Variants in MACROD2 observed in about 807,000 individuals in gnomAD.
MACROD2 encodes ADP-ribose glycohydrolase MACROD2.
In MACROD2, 36 loss-of-function variants were observed where a neutral mutation model predicts 70.4. The observed-to-expected ratio is 0.51, with a 90% CI of 0.39 to 0.68. The LOEUF is 0.68. MACROD2 is among the 30% of genes least tolerant of loss of function. The probability of loss-of-function intolerance (pLI) is 0.00; values close to 1 mark genes in which losing one functional copy is unlikely to be tolerated. For synonymous variants in MACROD2, 172 were observed against 178.8 expected (o/e 0.96, Z 0.30); for missense variants, 496 against 538.4 (o/e 0.92, Z 0.78).
At chr20:15,225,550 G>A (rs1449176641) in intron 5 of MACROD2, among the ~76,000 whole-genome samples, 4 of 152,080 alleles carry the variant, frequency 2.6e-5, no homozygotes, top group Non-Finnish European at 2.9e-5. Flanking sequence ...GATGTTTTAT[G>A]CATGTAGCTA....
At chr20:14,955,241 A>T (rs2074524182) in intron 5 of MACROD2, among the ~76,000 whole-genome samples, 1 of 138,252 alleles carries the variant, frequency 7.2e-6, no homozygotes. Context: ...AATTTTTATT[A>T]TATATAATTT....
rs1160707251 is a variant in MACROD2 at position 15,133,947 on chromosome 20, G to A, written c.419-95993G>A. 5.2e-5 allele frequency among the ~76,000 whole-genome samples: 7 copies of A among 135,564 alleles called. No homozygotes were observed. The South Asian group carries it at 9.3e-4, about 18-fold the overall frequency. 88.9% of individuals were successfully genotyped at this position (135,564 alleles called of 152,430 possible). A position where few individuals can be genotyped will look rare whatever the true frequency, so the allele number is the denominator to read the frequency against. On this transcript the variant is annotated intron_variant, in intron 5 of 17. Coordinates refer to ENST00000684519, the MANE Select transcript of MACROD2 (RefSeq NM_001351661.2). ...TTTTTTGAGACAGAGTCTCGCTGTC[G>A]CAGAGGCTGGAGTGCAGTGGTGCCA...
At chr20:14,380,317 C>T (rs924181537) in intron 3 of MACROD2, among the ~76,000 whole-genome samples, 2 of 152,044 alleles carry the variant, frequency 1.3e-5, no homozygotes, top group African/African-American at 2.4e-5. Context: ...ATATTTAACA[C>T]TCATGTGATA....
At chr20:15,773,015 A>T (rs1026231861) in intron 8 of MACROD2, among the ~76,000 whole-genome samples, 1 of 152,108 alleles carries the variant, frequency 6.6e-6, no homozygotes, top group Non-Finnish European at 1.5e-5. Flanking sequence ...GAGACAGACC[A>T]TATCAGTGGT....
chr20:15,712,926 T>C (rs1020629997), intron 8 of MACROD2, among the ~76,000 whole-genome samples: 3 of 152,250 alleles, frequency 2.0e-5, no homozygotes, highest in African/African-American at 4.8e-5. Context: ...CTGCATCTCA[T>C]ATGCAGTGCA....
chr20:15,329,621 G>T (rs888979400), intron 6 of MACROD2, among the ~76,000 whole-genome samples: 1 of 151,982 alleles, frequency 6.6e-6, no homozygotes, highest in Non-Finnish European at 1.5e-5. Context: ...ATCAAAAAAT[G>T]AAAATACAAT....
intron 6 of MACROD2, among the ~76,000 whole-genome samples, chr20:15,298,903 A>G (rs1159916466): frequency 6.6e-6 from 1 of 152,184 alleles, no homozygotes; most frequent in African/African-American, 2.4e-5. Context: ...GCAGAGGCCC[A>G]GAAGACTAGG....
intron 8 of MACROD2, among the ~76,000 whole-genome samples, chr20:15,807,868 G>C (rs919912820): frequency 1.6e-4 from 24 of 152,044 alleles, no homozygotes; most frequent in African/African-American, 5.8e-4. Context: ...TGCCTCCAAA[G>C]AAAGAAGAAG....
In MACROD2 at chr20:14,841,527, GA is replaced by G. The variant is rs11481126; in HGVS notation, c.418+156578del. On this transcript the variant is annotated intron_variant, in intron 5 of 17. Transcript: ENST00000684519. ...TTACCTTTCAAGTAGATGTTTTCAG[GA>G]AAAAAAAAAGAATATAGAAAGGCAG... 1.4e-3 allele frequency among the ~76,000 whole-genome samples: 211 copies of G among 149,302 alleles called. 1 individual carries two copies. Among genetic ancestry groups the G allele is most frequent in the African/African-American group, 4.6e-3 (188 of 40,730 alleles).
intron 3 of MACROD2, among the ~76,000 whole-genome samples, chr20:14,461,274 C>T (rs2084367954): frequency 6.6e-6 from 1 of 151,656 alleles, no homozygotes; most frequent in African/African-American, 2.4e-5. Flanking sequence ...TGGTGATCGC[C>T]CCTTTATCAT....
chr20:14,758,096 CA>C, intron 5 of MACROD2: 2 of 346,974 alleles, frequency 5.8e-6, no homozygotes, highest in Non-Finnish European at 1.0e-5. Flanking sequence ...AACATCCAGC[CA>C]AAAAAGCTTA....
intron 3 of MACROD2, among the ~76,000 whole-genome samples, chr20:14,312,993 T>C (rs1323212765): frequency 6.6e-6 from 1 of 152,256 alleles, no homozygotes; most frequent in Non-Finnish European, 1.5e-5. Context: ...TGTAAGCTAA[T>C]TATATAACAC....
At chr20:14,986,646 T>TA (rs906574035) in intron 5 of MACROD2, among the ~76,000 whole-genome samples, 1 of 152,128 alleles carries the variant, frequency 6.6e-6, no homozygotes, top group Non-Finnish European at 1.5e-5. Context: ...AAAAAGACGT[T>TA]AAAAAATCTT....
intron 5 of MACROD2, among the ~76,000 whole-genome samples, chr20:14,806,372 G>A (rs1380157954): frequency 6.6e-6 from 1 of 152,080 alleles, no homozygotes; most frequent in South Asian, 2.1e-4. Context: ...CTCTCCTCTA[G>A]CCAAGGGAAG....
At chr20:14,237,890 C>T (rs919041580) in intron 3 of MACROD2, among the ~76,000 whole-genome samples, 1 of 152,006 alleles carries the variant, frequency 6.6e-6, no homozygotes, top group African/African-American at 2.4e-5. Flanking sequence ...TTTTTTATGG[C>T]TGCATAGTAT....
chr20:14,512,051 G>GAAGA (rs2085036817), intron 4 of MACROD2, among the ~76,000 whole-genome samples: 1 of 152,080 alleles, frequency 6.6e-6, no homozygotes, highest in Non-Finnish European at 1.5e-5. Context: ...GATTCCTTGG[G>GAAGA]CTGTCAAGAG....
At chr20:14,255,268 A>G (rs1452001948) in intron 3 of MACROD2, among the ~76,000 whole-genome samples, 1 of 152,194 alleles carries the variant, frequency 6.6e-6, no homozygotes, top group Non-Finnish European at 1.5e-5. Flanking sequence ...TGCAAAGCAA[A>G]GAGTTGGAAC....
At chr20:14,253,597 T>C (rs2082029089) in intron 3 of MACROD2, among the ~76,000 whole-genome samples, 1 of 152,128 alleles carries the variant, frequency 6.6e-6, no homozygotes, top group African/African-American at 2.4e-5. Flanking sequence ...TGAATTGTTA[T>C]TACCTCCAAG....
intron 5 of MACROD2, among the ~76,000 whole-genome samples, chr20:15,067,707 C>T (rs1257161902): frequency 6.6e-6 from 1 of 152,246 alleles, no homozygotes; most frequent in Middle Eastern, 3.4e-3. Context: ...TTTGTATAAA[C>T]ATGGCATACA....
Sources: allele counts gnomAD v4.1 joint callset (sites outside exome capture counted in the v4.1 genomes callset), GRCh38; gene constraint gnomAD v4.1.1; transcripts MANE v1.5; gene names NCBI Gene and HGNC (gene_info 2026-07-23, HGNC 2026-07-21).